Variants in ZFAND3 observed in about 807,000 individuals in gnomAD.
The protein encoded by ZFAND3 is zinc finger AN1-type containing 3.
In ZFAND3, 10 loss-of-function variants were observed where a neutral mutation model predicts 29.6. The observed-to-expected ratio is 0.34, with a 90% CI of 0.21 to 0.57. The LOEUF is 0.57. Ranked by LOEUF, ZFAND3 falls within the 20% of genes least tolerant of loss-of-function variation. The pLI is 0.86. For missense variants in ZFAND3, 230 were observed against 304.5 expected (o/e 0.76, Z 1.82); for synonymous variants, 128 against 112.6 (o/e 1.14, Z -0.87).
chr6:37,958,854 C>G (rs1762148050), intron 2 of ZFAND3, among the ~76,000 whole-genome samples: 1 of 152,106 alleles, frequency 6.6e-6, no homozygotes, highest in African/African-American at 2.4e-5. Context: ...CTCCCCAAAC[C>G]TTGCTTCATT....
At chr6:37,903,772 T>C (rs1252876155) in intron 1 of ZFAND3, among the ~76,000 whole-genome samples, 1 of 152,242 alleles carries the variant, frequency 6.6e-6, no homozygotes, top group African/African-American at 2.4e-5. Context: ...TTTTTAAAAA[T>C]TGTTTTCCAT....
chr6:37,868,808 A>G (rs1001709681), intron 1 of ZFAND3, among the ~76,000 whole-genome samples: 15 of 152,318 alleles, frequency 9.8e-5, no homozygotes, highest in African/African-American at 3.4e-4. Flanking sequence ...ATACGTGCTC[A>G]TGTTTTCTTT....
intron 3 of ZFAND3, among the ~76,000 whole-genome samples, chr6:38,070,413 TAAA>T (rs377285632): frequency 2.8e-5 from 3 of 108,986 alleles, no homozygotes; most frequent in Non-Finnish European, 5.8e-5. Flanking sequence ...AAACTTAGTC[TAAA>T]AAAAAAAAAA....
chr6:38,062,444 A>G (rs1485128948), intron 3 of ZFAND3: 1 of 150,670 alleles, frequency 6.6e-6, no homozygotes, highest in African/African-American at 2.5e-5. Flanking sequence ...GTGCGGTTGT[A>G]CCATCTCAGC....
At chr6:37,991,990 G>A (rs13195669) in intron 2 of ZFAND3, among the ~76,000 whole-genome samples, 5,092 of 152,254 alleles carry the variant, frequency 0.033, 112 homozygotes, top group Middle Eastern at 0.075. Context: ...GATAAATCAT[G>A]TTTGGTAATA....
intron 1 of ZFAND3, among the ~76,000 whole-genome samples, chr6:37,835,978 A>AT (rs749582221): frequency 3.1e-4 from 47 of 152,270 alleles, no homozygotes; most frequent in Admixed American, 2.1e-3. Flanking sequence ...AATATGTTGA[A>AT]TTTTAGGGCT....
chr6:37,970,293 G>T (rs1303947948), intron 2 of ZFAND3, among the ~76,000 whole-genome samples: 1 of 152,138 alleles, frequency 6.6e-6, no homozygotes, highest in East Asian at 1.9e-4. Context: ...TGAATAGTTG[G>T]TAAGTCCGTA....
intron 5 of ZFAND3, among the ~76,000 whole-genome samples, chr6:38,120,306 C>A (rs187715375): frequency 0.011 from 1,445 of 126,424 alleles, 13 homozygotes; most frequent in Non-Finnish European, 0.017. Context: ...GATTGATACA[C>A]GTAGCTTGGC....
At chr6:37,879,951 C>T (rs978927183) in intron 1 of ZFAND3, among the ~76,000 whole-genome samples, 5 of 152,266 alleles carry the variant, frequency 3.3e-5, no homozygotes, top group Non-Finnish European at 5.9e-5. Context: ...GGCTTAAAAG[C>T]AAAATCTTTA....
At chr6:38,007,398 T>G (rs1763069430) in intron 2 of ZFAND3, among the ~76,000 whole-genome samples, 1 of 151,860 alleles carries the variant, frequency 6.6e-6, no homozygotes, top group African/African-American at 2.4e-5. Flanking sequence ...ATACAAAAAT[T>G]TGTCCGGCAT....
chr6:37,820,008 C>T lies in ZFAND3; in HGVS notation c.63C>T (p.Gly21=), dbSNP rs1763630750. ...APSLPPRCPC[G]FWGSSKTMNL... ...GCCTGCCGCCTCGCTGTCCCTGCGGCTTCTGGGGGTAAGTGCCCGGCCGGG... is the reference window on the plus strand; with the variant it reads ...GCCTGCCGCCTCGCTGTCCCTGCGGTTTCTGGGGGTAAGTGCCCGGCCGGG... Residue 21 remains glycine (G), a synonymous_variant, in exon 1 of 6, where the codon GGC becomes GGT. Transcript: ENST00000287218. 4 of 1,204,886 alleles carry T rather than the reference C, an allele frequency of 3.3e-6. No homozygotes were observed. Among genetic ancestry groups the T allele is most frequent in the South Asian group, 4.1e-5 (1 of 24,642 alleles). The allele number at this position is 1,204,886 out of a possible 1,614,324, so 74.6% of individuals were successfully genotyped here. A position where few individuals can be genotyped will look rare whatever the true frequency, so the allele number is the denominator to read the frequency against.
At chr6:38,100,702 G>T (rs550564538) in intron 4 of ZFAND3, among the ~76,000 whole-genome samples, 1 of 152,304 alleles carries the variant, frequency 6.6e-6, no homozygotes, top group African/African-American at 2.4e-5. Context: ...TATCTCTAAG[G>T]ATAGCTGCTC....
At chr6:37,833,616 G>T (rs1763903941) in intron 1 of ZFAND3, among the ~76,000 whole-genome samples, 1 of 152,062 alleles carries the variant, frequency 6.6e-6, no homozygotes. Context: ...CTTGAGGTCA[G>T]GAGTTAGAGA....
At chr6:37,866,638 A>C (rs1426555255) in intron 1 of ZFAND3, among the ~76,000 whole-genome samples, 1 of 152,154 alleles carries the variant, frequency 6.6e-6, no homozygotes, top group East Asian at 1.9e-4. Flanking sequence ...TTCACAGGAC[A>C]CTCCCAAAGA....
intron 4 of ZFAND3, among the ~76,000 whole-genome samples, chr6:38,115,544 T>C (rs1765399051): frequency 6.6e-6 from 1 of 152,074 alleles, no homozygotes; most frequent in Non-Finnish European, 1.5e-5. Context: ...GTAGTAGGCT[T>C]GATGAGTTGG....
chr6:37,877,466 A>G (rs934389870), intron 1 of ZFAND3, among the ~76,000 whole-genome samples: 1 of 152,188 alleles, frequency 6.6e-6, no homozygotes, highest in Admixed American at 6.5e-5. Flanking sequence ...CAGTAGTAAT[A>G]GAGGAGATGG....
At chr6:38,148,893 G>T (rs11755566) in intron 5 of ZFAND3, among the ~76,000 whole-genome samples, 10,463 of 152,210 alleles carry the variant, frequency 0.069, 428 homozygotes, top group Non-Finnish European at 0.088. Context: ...AGAAAGAATT[G>T]AGCTTAATTT....
At chr6:38,039,679 T>TAG (rs1325103004) in intron 2 of ZFAND3, among the ~76,000 whole-genome samples, 9 of 152,306 alleles carry the variant, frequency 5.9e-5, no homozygotes, top group Admixed American at 3.3e-4. Context: ...CATGGAAAAG[T>TAG]ATAAGTATGT....
rs1764933842 is a variant in ZFAND3, at chr6:37,883,475, A to T, written c.72-46484A>T. 1.7e-5 allele frequency among the ~76,000 whole-genome samples: 2 copies of T among 116,642 alleles called. 1 individual carries two copies. Among genetic ancestry groups the T allele is most frequent in the Non-Finnish European group, 3.4e-5 (2 of 59,598 alleles). The allele number at this position is 116,642 out of a possible 152,430, so 76.5% of individuals were successfully genotyped here. Reference sequence around the variant, plus strand: ...GACTACAAATGAGTTTTGTTTGCAGATATTTTAAATAATGAAGACTGTAGA... The same window carrying T: ...GACTACAAATGAGTTTTGTTTGCAGTTATTTTAAATAATGAAGACTGTAGA... On this transcript the variant is annotated intron_variant, in intron 1 of 5. Transcript: ENST00000287218.
Sources: allele counts gnomAD v4.1 joint callset (sites outside exome capture counted in the v4.1 genomes callset), GRCh38; gene constraint gnomAD v4.1.1; transcripts MANE v1.5; gene names NCBI Gene and HGNC (gene_info 2026-07-23, HGNC 2026-07-21).